CYP27C1: variants seen among roughly 807,000 people sequenced by gnomAD.
CYP27C1 encodes the protein cytochrome P450 family 27 subfamily C member 1.
A neutral mutation model predicts 40.6 loss-of-function variants in CYP27C1; 29 were observed. The ratio of observed to expected loss-of-function variants is 0.71; its 90% CI spans 0.53 to 0.97. The LOEUF is 0.97. Among genes scored for constraint, CYP27C1 ranks in the 50% least tolerant of loss-of-function variants. CYP27C1 has a pLI of 0.00. For synonymous variants in CYP27C1, 198 were observed against 186.8 expected (o/e 1.06, Z -0.49); for missense variants, 390 against 485.8 (o/e 0.80, Z 1.85).
At chr2:127,210,292 T>C (rs552825127) in intron 1 of CYP27C1, among the ~76,000 whole-genome samples, 1 of 152,264 alleles carries the variant, frequency 6.6e-6, no homozygotes, top group South Asian at 2.1e-4. Context: ...AATAAAATCC[T>C]TTCCAGAAAA....
Position 127,220,055 on chromosome 2 carries a change from C to T in CYP27C1, c.216G>A (p.Pro72=), listed in dbSNP as rs1009286674. The T allele has an allele frequency of 3.2e-4, 48 of 151,952 alleles. No homozygotes were observed. The highest frequency in any genetic ancestry group is 9.9e-4 in the African/African-American group (41 of 41,532). 9.4% of individuals were successfully genotyped at this position (151,952 alleles called of 1,614,324 possible). The change falls in exon 1 of 9, where the codon CCG becomes CCA. Residue 72 remains proline (P), a synonymous_variant. Coordinates refer to ENST00000664447, the MANE Select transcript of CYP27C1 (RefSeq NM_001367502.1). This position sits in a 1 kb window ranked among gnomAD's most constrained non-coding sequence, Gnocchi z 4.6. The stretch of plus-strand genomic sequence containing the variant: ...ACTCCGCCAGGTTGGCGAGGGTCCT[C>T]GGCCCCGGCATGGCGGCGAGGCTCC... ...GPRSLAAMPG[P]RTLANLAEFF... is the part of the protein sequence containing the mutation.
intron 1 of CYP27C1, among the ~76,000 whole-genome samples, chr2:127,217,181 T>C (rs1239637807): frequency 6.6e-6 from 1 of 152,180 alleles, no homozygotes; most frequent in Admixed American, 6.5e-5. Flanking sequence ...TTTCTGGTGG[T>C]GGGCCATGGA....
At chr2:127,205,073 G>A (rs994521931) in intron 2 of CYP27C1, among the ~76,000 whole-genome samples, 1 of 152,202 alleles carries the variant, frequency 6.6e-6, no homozygotes. Context: ...CAGCCGAAGA[G>A]GGGTCCAGGC....
Position 127,219,236 on chromosome 2 carries a change from C to G in CYP27C1, c.282+753G>C, listed in dbSNP as rs1179186211. ...AGGGAACCTAGCGCTCCCCTCGGGC[C>G]GGCCCCAGGCAGCAGCCCCCCTCAG... On this transcript the variant is annotated intron_variant, in intron 1 of 8. Transcript: ENST00000664447. The surrounding 1 kb of genome is among the most constrained non-coding windows in gnomAD (Gnocchi z 8.7). Among the ~76,000 whole-genome samples the G allele has an allele frequency of 6.6e-6, 1 of 152,118 alleles. No homozygotes were observed. The highest frequency in any genetic ancestry group is 2.4e-5 in the African/African-American group (1 of 41,418).
intron 6 of CYP27C1, among the ~76,000 whole-genome samples, chr2:127,194,516 C>T (rs555045321): frequency 1.3e-5 from 2 of 152,232 alleles, no homozygotes; most frequent in East Asian, 3.9e-4. Context: ...ACCTCCTACC[C>T]AAACCATCCC....
chr2:127,204,602 A>AAGC (rs1558931515), intron 2 of CYP27C1, among the ~76,000 whole-genome samples: 1 of 99,724 alleles, frequency 1.0e-5, no homozygotes, highest in African/African-American at 4.3e-5. Flanking sequence ...AGAAAGAAAG[A>AAGC]AAGAAAGAAA....
rs754944886 is a variant in CYP27C1 at position 127,193,256 on chromosome 2, A to T, written c.1335T>A (p.Asp445Glu). 3 of 1,614,016 alleles carry T rather than the reference A, an allele frequency of 1.9e-6. No homozygotes were observed. In the East Asian group the frequency reaches 6.7e-5, roughly 36 times the overall value. Residue 445 changes from aspartate to glutamate, a missense_variant, in exon 8 of 9, where the codon GAT becomes GAA. By Grantham distance (45) the Asp-to-Glu change is conservative. Transcript: ENST00000664447. ...ACTCCTTGGCCCGAGGGAAGTTCTCATCCTGGTACGATGTGGCATAGTGGC... is the reference window on the plus strand; with the variant it reads ...ACTCCTTGGCCCGAGGGAAGTTCTCTTCCTGGTACGATGTGGCATAGTGGC... ...ALCHYATSYQDENFPRAKEFR... is the reference protein window; with the variant it reads ...ALCHYATSYQEENFPRAKEFR...
chr2:127,202,285 C>A (rs1683052714), intron 3 of CYP27C1, among the ~76,000 whole-genome samples: 1 of 152,052 alleles, frequency 6.6e-6, no homozygotes, highest in Non-Finnish European at 1.5e-5. Context: ...CCACCATGGC[C>A]CAGTTAATTG....
At chr2:127,190,331 C>CTTTTTTTTTTTTT (rs11400543) in intron 8 of CYP27C1, among the ~76,000 whole-genome samples, 1 of 120,228 alleles carries the variant, frequency 8.3e-6, no homozygotes, top group Non-Finnish European at 1.6e-5. Context: ...TGTGGCTTCT[C>CTTTTTTTTTTTTT]TTTTTTTTTT....
chr2:127,204,122 C>A (rs181809501), intron 2 of CYP27C1, among the ~76,000 whole-genome samples: 1 of 150,960 alleles, frequency 6.6e-6, no homozygotes, highest in Non-Finnish European at 1.5e-5. Context: ...AAAATTTAGC[C>A]GGGTGTGGTG....
chr2:127,209,555 A>G lies in CYP27C1; in HGVS notation c.283-3465T>C, dbSNP rs1683297513. Among the ~76,000 whole-genome samples the G allele has an allele frequency of 6.6e-6, 1 of 152,336 alleles. No homozygotes were observed. On this transcript the variant is annotated intron_variant, in intron 1 of 8. Coordinates refer to ENST00000664447, the MANE Select transcript of CYP27C1 (RefSeq NM_001367502.1). The surrounding 1 kb of genome is among the most constrained non-coding windows in gnomAD (Gnocchi z 4.1). The stretch of plus-strand genomic sequence containing the variant: ...AAGTACACTTCAGAAGATGGGTAAT[A>G]AAAAACTGCGATGACCTAAAGGAGC...
rs77834192 is a variant in CYP27C1 at position 127,192,554 on chromosome 2, G to T, written c.1497+540C>A. ...CAACCTAAGAAGCTTGAGAACCACT[G>T]CTCTGTGTAAATGGTTGGGTCAGTT... On this transcript the variant is annotated intron_variant, in intron 8 of 8. Coordinates refer to ENST00000664447, the MANE Select transcript of CYP27C1 (RefSeq NM_001367502.1). Among the ~76,000 whole-genome samples the T allele has an allele frequency of 2.0e-5, 3 of 152,280 alleles. No individual in the cohort carries two copies. In the East Asian group the frequency reaches 5.8e-4, roughly 29 times the overall value.
chr2:127,218,406 T>C lies in CYP27C1; in HGVS notation c.282+1583A>G, dbSNP rs561015349. ...TTACTGTATTTGAAAGTTGCCATCCTGATATCTTATCAGATCCTACAAAGA... is the reference window on the plus strand; with the variant it reads ...TTACTGTATTTGAAAGTTGCCATCCCGATATCTTATCAGATCCTACAAAGA... On this transcript the variant is annotated intron_variant, in intron 1 of 8. Transcript: ENST00000664447. The surrounding 1 kb of genome is among the most constrained non-coding windows in gnomAD (Gnocchi z 6.0). Among the ~76,000 whole-genome samples, 1 of 152,188 alleles carries C rather than the reference T, an allele frequency of 6.6e-6. No individual in the cohort carries two copies. The highest frequency in any genetic ancestry group is 1.9e-4 in the East Asian group (1 of 5,184).
rs773778523 is a variant in CYP27C1, at chr2:127,201,324, G to T, written c.681C>A (p.Ala227=). 1 of 1,613,898 alleles carries T rather than the reference G, an allele frequency of 6.2e-7. No individual in the cohort carries two copies. The highest frequency in any genetic ancestry group is 8.5e-7 in the Non-Finnish European group (1 of 1,179,940). The change falls in exon 4 of 9, where the codon GCC becomes GCA. Residue 227 remains alanine (A), a synonymous_variant. Coordinates refer to ENST00000664447, the MANE Select transcript of CYP27C1 (RefSeq NM_001367502.1). This position sits in a 1 kb window ranked among gnomAD's most constrained non-coding sequence, Gnocchi z 6.0. ...LFFKYSMEGV[A]TILYESRLGC... ...CCAAACGACTCTCATAAAGGATGGT[G>T]GCCACTCCTAGACAGGAAAGAGAAT...
chr2:127,188,876 G>A (rs568433315), intron 8 of CYP27C1, among the ~76,000 whole-genome samples: 3 of 152,260 alleles, frequency 2.0e-5, no homozygotes, highest in African/African-American at 4.8e-5. Context: ...GGACGCAGGC[G>A]GAACTCATGC....
intron 1 of CYP27C1, among the ~76,000 whole-genome samples, chr2:127,216,072 C>A (rs965621151): frequency 6.6e-6 from 1 of 152,170 alleles, no homozygotes; most frequent in Non-Finnish European, 1.5e-5. Flanking sequence ...AAAATCAGAA[C>A]CCTCTTATGA....
At position 127,201,237 on chromosome 2, in the gene CYP27C1, C is replaced by T; in HGVS notation, c.768G>A (p.Met256Ile). 1 of 1,614,204 alleles carries T rather than the reference C, an allele frequency of 6.2e-7. No homozygotes were observed. The highest frequency in any genetic ancestry group is 8.5e-7 in the Non-Finnish European group (1 of 1,180,044). Reference protein sequence around the residue: ...TVEYIEALELMFSMFKTSMYA... With the variant: ...TVEYIEALELIFSMFKTSMYA... ...ACATGGAGGTCTTGAACATGCTAAA[C>T]ATGAGCTCCAGGGCCTCGATGTATT... is the stretch of plus-strand genomic sequence containing the variant. Residue 256 changes from methionine (M) to isoleucine (I), a missense_variant, in exon 4 of 9, where the codon ATG (methionine) becomes ATA (isoleucine). Transcript: ENST00000664447. The surrounding 1 kb of genome is among the most constrained non-coding windows in gnomAD (Gnocchi z 6.0).
At chr2:127,191,360 A>G (rs138390299) in intron 8 of CYP27C1, among the ~76,000 whole-genome samples, 17 of 152,346 alleles carry the variant, frequency 1.1e-4, no homozygotes, top group Non-Finnish European at 2.4e-4. Flanking sequence ...AGCAGCAAAC[A>G]AGACCCCATC....
chr2:127,215,848 G>A (rs1319271120), intron 1 of CYP27C1, among the ~76,000 whole-genome samples: 1 of 151,532 alleles, frequency 6.6e-6, no homozygotes, highest in Non-Finnish European at 1.5e-5. Flanking sequence ...AGAGAGGGAG[G>A]GAGGGAGGAA....
Sources: allele counts gnomAD v4.1 joint callset (sites outside exome capture counted in the v4.1 genomes callset), GRCh38; gene constraint gnomAD v4.1.1; non-coding constraint Gnocchi (gnomAD v3.1); transcripts MANE v1.5; gene names NCBI Gene and HGNC (gene_info 2026-07-23, HGNC 2026-07-21).